TENM1: variants seen among roughly 807,000 people sequenced by gnomAD.
TENM1 encodes the protein teneurin transmembrane protein 1, also known as teneurin-1.
Under a neutral mutation model 174.8 loss-of-function variants are expected in TENM1, and 35 were observed. That is an observed-to-expected ratio of 0.20 (90% confidence interval 0.15 to 0.27). TENM1 has a LOEUF of 0.27. TENM1 is among the 10% of genes least tolerant of loss of function. The pLI, the probability that TENM1 is intolerant of heterozygous loss-of-function variation, is 1.00. For synonymous variants in TENM1, 781 were observed against 798.7 expected (o/e 0.98, Z 0.37); for missense variants, 1,633 against 2,130.1 (o/e 0.77, Z 4.59).
chrX:124,943,074 A>G (rs751189899), intron 1 of TENM1, among the ~76,000 whole-genome samples: 1 of 111,652 alleles, frequency 9.0e-6, no homozygotes, highest in East Asian at 2.8e-4. Context: ...TACATTTCAA[A>G]TTATTTTTAG....
At chrX:124,921,581 C>A (rs763141376) in intron 1 of TENM1, among the ~76,000 whole-genome samples, 2 of 111,501 alleles carry the variant, frequency 1.8e-5, no homozygotes, top group Non-Finnish European at 3.8e-5. Context: ...GCTGGACATC[C>A]AAGTTGCTTC....
the TENM1 span, among the ~76,000 whole-genome samples, chrX:125,084,620 T>C: frequency 9.0e-6 from 1 of 110,633 alleles, no homozygotes; most frequent in Non-Finnish European, 1.9e-5. Flanking sequence ...TCTTAATCCA[T>C]AACAACTAAG....
the TENM1 span, among the ~76,000 whole-genome samples, chrX:125,091,317 G>T: frequency 8.9e-6 from 1 of 111,788 alleles, no homozygotes; most frequent in East Asian, 2.8e-4. Flanking sequence ...GAGATTTGGA[G>T]AACCTAATCA....
the TENM1 span, among the ~76,000 whole-genome samples, chrX:124,988,450 T>C: frequency 2.7e-5 from 3 of 112,034 alleles, no homozygotes; most frequent in African/African-American, 9.7e-5. Context: ...AAGGGAACTT[T>C]TGAACTAGAG....
chrX:124,662,952 A>G (rs1201254334), intron 6 of TENM1, among the ~76,000 whole-genome samples: 1 of 111,770 alleles, frequency 8.9e-6, no homozygotes, highest in Non-Finnish European at 1.9e-5. Context: ...TTTCCACAGT[A>G]CTTAGTACAG....
chrX:124,868,285 T>C (rs920420644), intron 3 of TENM1, among the ~76,000 whole-genome samples: 1 of 111,511 alleles, frequency 9.0e-6, no homozygotes, highest in Non-Finnish European at 1.9e-5. Flanking sequence ...AACAGACAGA[T>C]AGACAGTGGA....
intron 5 of TENM1, among the ~76,000 whole-genome samples, chrX:124,691,937 T>C (rs1404376780): frequency 8.9e-6 from 1 of 111,738 alleles, no homozygotes; most frequent in Non-Finnish European, 1.9e-5. Context: ...TATTTCCCCT[T>C]ATACACAAGA....
intron 11 of TENM1, among the ~76,000 whole-genome samples, chrX:124,601,139 T>A (rs1165910085): frequency 4.5e-5 from 5 of 111,587 alleles, no homozygotes; most frequent in African/African-American, 1.6e-4. Context: ...AAGTAAAGGG[T>A]GAATGGAAGG....
rs763711417 is a variant in TENM1 at position 124,726,884 on chromosome X, A to G, written c.776+10073T>C. Among the ~76,000 whole-genome samples, 115 of 112,382 alleles carry G rather than the reference A, an allele frequency of 1.0e-3. 1 individual carries two copies. In the Middle Eastern group the frequency reaches 0.014, roughly 13 times the overall value. On this transcript the variant is annotated intron_variant, in intron 4 of 31. Coordinates refer to ENST00000422452, the Ensembl canonical transcript of TENM1. ...ATTACTGCAATCACCATTAATGAGT[A>G]TTTCCTCCAAATGATTCTTTTTTCC...
chrX:125,186,667 G>C, the TENM1 span, among the ~76,000 whole-genome samples: 1 of 109,506 alleles, frequency 9.1e-6, no homozygotes, highest in Non-Finnish European at 1.9e-5. Flanking sequence ...CTTCTGACAT[G>C]ATTGGAAGCT....
the TENM1 span, among the ~76,000 whole-genome samples, chrX:125,118,002 G>T: frequency 1.8e-5 from 2 of 111,421 alleles, no homozygotes; most frequent in Non-Finnish European, 3.8e-5. Flanking sequence ...TAAATAAAAT[G>T]TGGTATATAT....
In TENM1 at chrX:124,420,125, T is replaced by C. The variant is rs1015007016; in HGVS notation, c.4982+186A>G. Among the ~76,000 whole-genome samples the C allele has an allele frequency of 2.7e-5, 3 of 111,877 alleles. No individual in the cohort carries two copies. The Admixed American group carries it at 2.8e-4, about 11-fold the overall frequency. On this transcript the variant is annotated intron_variant, in intron 25 of 31. Transcript: ENST00000422452. ...TTTATTATTATGCTCTGCAAACTGC[T>C]CTGGAAAAATGGGTCTGAACTCTAG...
chrX:124,379,966 T>C (rs779534959), exon 32 of TENM1: 1 of 112,215 alleles, frequency 8.9e-6, no homozygotes, highest in South Asian at 3.8e-4. Flanking sequence ...AATATGGCAT[T>C]TACTTTAACA....
chrX:125,104,188 T>C, the TENM1 span, among the ~76,000 whole-genome samples: 1 of 111,640 alleles, frequency 9.0e-6, no homozygotes, highest in African/African-American at 3.3e-5. Context: ...ATCAAGGTAC[T>C]TAACCACTTT....
chrX:124,589,870 T>A (rs999974379), intron 11 of TENM1, among the ~76,000 whole-genome samples: 73 of 111,818 alleles, frequency 6.5e-4, no homozygotes, highest in African/African-American at 2.1e-3. Flanking sequence ...AACTAACTTT[T>A]GGTTTTGTTA....
chrX:125,060,181 TCACACACACACA>T, the TENM1 span, among the ~76,000 whole-genome samples: 424 of 93,807 alleles, frequency 4.5e-3, 4 homozygotes, highest in African/African-American at 0.017. Context: ...TCTCTCTCTC[TCACACACACACA>T]CACACACACA....
the TENM1 span, among the ~76,000 whole-genome samples, chrX:125,105,621 C>T: frequency 9.0e-6 from 1 of 111,511 alleles, no homozygotes; most frequent in Admixed American, 9.5e-5. Flanking sequence ...TCTGGAAAGG[C>T]CCCTCTGTTG....
intron 3 of TENM1, among the ~76,000 whole-genome samples, chrX:124,807,416 C>T (rs1022045880): frequency 3.6e-5 from 4 of 111,795 alleles, no homozygotes; most frequent in Non-Finnish European, 7.5e-5. Flanking sequence ...GAGTTCATAA[C>T]CACCAGATCT....
chrX:124,388,724 G>T, intron 28 of TENM1, among the ~76,000 whole-genome samples: 2 of 112,168 alleles, frequency 1.8e-5, no homozygotes, highest in Middle Eastern at 4.6e-3. Context: ...GACTAGAAAT[G>T]AGAGCAGAAA....
Sources: gnomAD v4.1 joint callset for allele counts (sites outside exome capture counted in the v4.1 genomes callset) on GRCh38, gnomAD v4.1.1 for gene constraint, MANE v1.5 for transcripts, NCBI Gene and HGNC (gene_info 2026-07-23, HGNC 2026-07-21) for gene names.